Variants in KCNH1 observed in about 807,000 individuals in gnomAD.
KCNH1 encodes potassium voltage-gated channel subfamily H member 1, also known as voltage-gated delayed rectifier potassium channel KCNH1.
Under a neutral mutation model 69.2 loss-of-function variants are expected in KCNH1, and 27 were observed. The observed-to-expected ratio is 0.39, with a 90% CI of 0.29 to 0.54. The LOEUF is 0.54. Ranked by LOEUF, KCNH1 falls within the 20% of genes least tolerant of loss-of-function variation. KCNH1 has a pLI of 0.68. For synonymous variants in KCNH1, 456 were observed against 487.7 expected (o/e 0.93, Z 0.86); for missense variants, 798 against 1,261.6 (o/e 0.63, Z 5.57).
chr1:211,082,055 A>G (rs1425131105), intron 5 of KCNH1, among the ~76,000 whole-genome samples: 1 of 152,226 alleles, frequency 6.6e-6, no homozygotes, highest in Non-Finnish European at 1.5e-5. Context: ...AGTTGGGTGC[A>G]TAAAGCCTAA....
chr1:210,732,861 C>G (rs113984340), intron 10 of KCNH1, among the ~76,000 whole-genome samples: 5 of 152,168 alleles, frequency 3.3e-5, no homozygotes, highest in African/African-American at 9.6e-5. Flanking sequence ...AAGGGCCTAC[C>G]TACTAATACC....
chr1:211,113,959 C>CTG (rs201291036), intron 1 of KCNH1, among the ~76,000 whole-genome samples: 8,278 of 133,916 alleles, frequency 0.062, 372 homozygotes, highest in East Asian at 0.17. Context: ...CTCTGTCTCT[C>CTG]TCTCTCTCTC....
intron 6 of KCNH1, among the ~76,000 whole-genome samples, chr1:210,985,508 A>G (rs1272348864): frequency 6.6e-6 from 1 of 152,174 alleles, no homozygotes; most frequent in Non-Finnish European, 1.5e-5. Context: ...GTTTCAAAGA[A>G]CATCTTTATT....
chr1:210,732,059 C>T (rs927550745), intron 10 of KCNH1, among the ~76,000 whole-genome samples: 2 of 152,002 alleles, frequency 1.3e-5, no homozygotes, highest in Admixed American at 6.6e-5. Context: ...GGAATTCATC[C>T]GATGGGAGGG....
At chr1:211,029,452 T>C (rs1689743624) in intron 5 of KCNH1, among the ~76,000 whole-genome samples, 1 of 134,128 alleles carries the variant, frequency 7.5e-6, no homozygotes, top group South Asian at 2.6e-4. Context: ...AAAAAAACAC[T>C]CTTATCAATT....
At chr1:211,099,817 C>A (rs1466631029) in intron 3 of KCNH1, among the ~76,000 whole-genome samples, 1 of 152,110 alleles carries the variant, frequency 6.6e-6, no homozygotes, top group Non-Finnish European at 1.5e-5. Context: ...CTGCCTGGGG[C>A]TCCCAAACTA....
At chr1:210,769,513 T>A (rs1683709318) in intron 10 of KCNH1, among the ~76,000 whole-genome samples, 1 of 152,120 alleles carries the variant, frequency 6.6e-6, no homozygotes, top group Non-Finnish European at 1.5e-5. Context: ...CAAAAAAAAT[T>A]CATCCTGGAA....
chr1:210,783,546 G>A (rs912213563), intron 9 of KCNH1, among the ~76,000 whole-genome samples: 2 of 152,148 alleles, frequency 1.3e-5, no homozygotes, highest in South Asian at 2.1e-4. Context: ...TAGAAGGGAT[G>A]TGTGCAATTT....
chr1:210,723,868 T>C (rs1682530519), intron 10 of KCNH1, among the ~76,000 whole-genome samples: 1 of 152,086 alleles, frequency 6.6e-6, no homozygotes, highest in African/African-American at 2.4e-5. Context: ...TGTCCTCACG[T>C]GGACAGAAGG....
intron 6 of KCNH1, among the ~76,000 whole-genome samples, chr1:210,995,461 T>G (rs1689012082): frequency 3.9e-5 from 6 of 152,188 alleles, no homozygotes; most frequent in Admixed American, 3.9e-4. Context: ...GCATGAGGAT[T>G]AAGATGTGCT....
intron 10 of KCNH1, among the ~76,000 whole-genome samples, chr1:210,759,266 T>C (rs1163842382): frequency 6.6e-6 from 1 of 151,658 alleles, no homozygotes; most frequent in Non-Finnish European, 1.5e-5. Context: ...ATCCAGAGTG[T>C]TATGTTACCT....
At chr1:210,707,297 C>T (rs1681937996) in intron 10 of KCNH1, among the ~76,000 whole-genome samples, 1 of 152,150 alleles carries the variant, frequency 6.6e-6, no homozygotes, top group African/African-American at 2.4e-5. Context: ...TCCCTGTCCC[C>T]ATCTCCCCCA....
chr1:210,749,609 G>T (rs1683236700), intron 10 of KCNH1, among the ~76,000 whole-genome samples: 1 of 152,130 alleles, frequency 6.6e-6, no homozygotes, highest in South Asian at 2.1e-4. Flanking sequence ...GATCCCAGAT[G>T]ATTTGTGTGC....
intron 5 of KCNH1, among the ~76,000 whole-genome samples, chr1:211,040,016 C>T (rs930911358): frequency 3.9e-5 from 6 of 152,092 alleles, no homozygotes; most frequent in East Asian, 1.9e-4. Context: ...AGTGAAACCC[C>T]GTCTCTACTA....
At position 210,748,733 on chromosome 1, in the gene KCNH1, C is replaced by G. The variant is rs1468959661; in HGVS notation, c.2112+26615G>C. 2.0e-5 allele frequency among the ~76,000 whole-genome samples: 3 copies of G among 152,216 alleles called. 1 individual carries two copies. The highest frequency in any genetic ancestry group is 4.4e-5 in the Non-Finnish European group (3 of 68,038). On this transcript the variant is annotated intron_variant, in intron 10 of 10. Coordinates refer to ENST00000271751, the MANE Select transcript of KCNH1 (RefSeq NM_172362.3). ...CTGAGGTGCTTTTCTAACTGGAAGGCTGGACTTGGCTTTGTGGTGACTTGC... is the reference window on the plus strand; with the variant it reads ...CTGAGGTGCTTTTCTAACTGGAAGGGTGGACTTGGCTTTGTGGTGACTTGC...
chr1:210,758,692 T>A (rs1683449782), intron 10 of KCNH1, among the ~76,000 whole-genome samples: 1 of 152,168 alleles, frequency 6.6e-6, no homozygotes, highest in South Asian at 2.1e-4. Flanking sequence ...GGAGAGGGGA[T>A]AATATATCAC....
At chr1:210,772,698 G>A (rs1340934020) in intron 10 of KCNH1, among the ~76,000 whole-genome samples, 1 of 152,092 alleles carries the variant, frequency 6.6e-6, no homozygotes, top group Non-Finnish European at 1.5e-5. Flanking sequence ...GGGTACCTAG[G>A]AGATGCCTAA....
At chr1:210,895,092 T>C (rs541964831) in intron 7 of KCNH1, among the ~76,000 whole-genome samples, 1 of 152,314 alleles carries the variant, frequency 6.6e-6, no homozygotes, top group East Asian at 1.9e-4. Context: ...TGTCCTTTGT[T>C]ACTTGATGTC....
At chr1:210,685,673 C>T (rs1681393372) in intron 10 of KCNH1, among the ~76,000 whole-genome samples, 2 of 152,158 alleles carry the variant, frequency 1.3e-5, no homozygotes, top group Non-Finnish European at 2.9e-5. Flanking sequence ...CACTGGCCCA[C>T]TGGAGATGCT....
Sources: allele counts gnomAD v4.1 joint callset (sites outside exome capture counted in the v4.1 genomes callset), GRCh38; gene constraint gnomAD v4.1.1; transcripts MANE v1.5; gene names NCBI Gene and HGNC (gene_info 2026-07-23, HGNC 2026-07-21).